The following GART variants were observed in gnomAD, a reference collection of about 807,000 sequenced individuals.
GART encodes phosphoribosylglycinamide formyltransferase, phosphoribosylglycinamide synthetase, phosphoribosylaminoimidazole synthetase, also known as trifunctional purine biosynthetic protein adenosine-3.
GART carries 43 observed loss-of-function variants against 107.2 expected under a neutral mutation model. The observed-to-expected ratio is 0.40, with a 90% CI of 0.31 to 0.52. The LOEUF (loss-of-function observed/expected upper bound fraction) is 0.52. GART is among the 20% of genes least tolerant of loss of function. The pLI is 0.52. For synonymous variants in GART, 434 were observed against 427.0 expected, an observed-to-expected ratio of 1.02 and a Z score of -0.20; for missense variants, 1,107 against 1,206.5, an observed-to-expected ratio of 0.92 and a Z score of 1.22.
At chr21:33,520,799 G>T in intron 13 of GART, 107 bp downstream of exon 13, 1 of 845,582 alleles carries the variant, frequency 1.2e-6, no homozygotes, top group Non-Finnish European at 1.9e-6. Context: ...TGGTTATTTG[G>T]CATGGTCCTT....
intron 11 of GART, among the ~76,000 whole-genome samples, chr21:33,523,594 G>A (rs1020129604): frequency 2.0e-5 from 3 of 152,094 alleles, no homozygotes; most frequent in East Asian, 1.9e-4. Flanking sequence ...CTTGAATTAC[G>A]TTGGTAAAAA....
At chr21:33,531,019 G>C (rs1285373193) in intron 6 of GART, 135 bp from the exon 7 acceptor site, 6 of 676,218 alleles carry the variant, frequency 8.9e-6, no homozygotes, top group Non-Finnish European at 1.3e-5. Flanking sequence ...GAAATGAACC[G>C]AAACGTCAAT....
At chr21:33,512,218 A>G (rs1305524663) in intron 16 of GART, among the ~76,000 whole-genome samples, 2 of 132,042 alleles carry the variant, frequency 1.5e-5, no homozygotes, top group African/African-American at 5.6e-5. Flanking sequence ...TGGGAGGTGG[A>G]GGTTGCAGTG....
At chr21:33,517,794 CTT>C (rs1289394452) in intron 14 of GART, among the ~76,000 whole-genome samples, 186 bp from the exon 15 acceptor site, 2 of 152,200 alleles carry the variant, frequency 1.3e-5, no homozygotes, top group African/African-American at 2.4e-5. Flanking sequence ...AGAAATAGCA[CTT>C]GTTTCCACAA....
At chr21:33,539,066 C>T in intron 2 of GART, 105 bp downstream of exon 2, 1 of 1,108,920 alleles carries the variant, frequency 9.0e-7, no homozygotes, top group Non-Finnish European at 1.3e-6. Context: ...AGGCATTAGC[C>T]ACTGTGCCCA....
intron 18 of GART, chr21:33,509,192 T>G (rs2084739841): frequency 6.6e-6 from 1 of 152,200 alleles, no homozygotes; most frequent in African/African-American, 2.4e-5. Context: ...GAAGCTGCAG[T>G]GTACTATGAC....
intron 2 of GART, among the ~76,000 whole-genome samples, chr21:33,538,401 G>A (rs560785238): frequency 6.7e-6 from 1 of 149,668 alleles, no homozygotes; most frequent in South Asian, 2.2e-4. Context: ...GCTAATTTTT[G>A]TATTTTTTTT....
chr21:33,525,069 G>A lies in GART; in HGVS notation c.1067-69C>T, dbSNP rs185060216. The A allele has an allele frequency of 4.3e-5, 65 of 1,502,950 alleles. No homozygotes were observed. The African/African-American group carries it at 7.8e-4, about 18-fold the overall frequency. 93.1% of individuals were successfully genotyped at this position (1,502,950 alleles called of 1,614,324 possible). A position where few individuals can be genotyped will look rare whatever the true frequency, so the allele number is the denominator to read the frequency against. ...TATTTCACACCGTGAAGTGATTTAC[G>A]ATTTCCACAAGTTTCTTTTTTTTTT... On this transcript the variant is annotated intron_variant, in intron 10 of 21. Coordinates refer to ENST00000381815, the MANE Select transcript of GART (RefSeq NM_000819.5).
At chr21:33,512,379 T>A (rs2084801106) in intron 16 of GART, among the ~76,000 whole-genome samples, 1 of 151,566 alleles carries the variant, frequency 6.6e-6, no homozygotes, top group African/African-American at 2.4e-5. Context: ...GGTAAAGGTC[T>A]ATATACACAC....
chr21:33,504,836 C>T (rs1240387278), intron 20 of GART, among the ~76,000 whole-genome samples: 1 of 152,112 alleles, frequency 6.6e-6, no homozygotes, highest in Non-Finnish European at 1.5e-5. Context: ...TAAAAATAAG[C>T]AAGAGGTTCT....
intron 17 of GART, chr21:33,510,352 T>TG (rs2084763500): frequency 6.4e-6 from 1 of 155,394 alleles, no homozygotes; most frequent in South Asian, 2.0e-4. Flanking sequence ...CTTTTTGAGA[T>TG]GGAGTCTCGC....
chr21:33,520,844 T>C (rs2084960064), intron 13 of GART, 62 bp downstream of exon 13: 2 of 1,217,686 alleles, frequency 1.6e-6, no homozygotes, highest in Non-Finnish European at 2.4e-6. Context: ...GAAAAATACA[T>C]ATTTGATATA....
At chr21:33,516,847 G>A (rs1184525619) in intron 16 of GART, 142 bp downstream of exon 16, 5 of 660,056 alleles carry the variant, frequency 7.6e-6, no homozygotes, top group African/African-American at 5.5e-5. Context: ...GAAAAGGGTC[G>A]AGTTTTTCCC....
chr21:33,531,480 T>C lies in GART; in HGVS notation c.597+9A>G. 6.2e-7 allele frequency: 1 copy of C among 1,611,952 alleles called. No individual in the cohort carries two copies. Among genetic ancestry groups the C allele is most frequent in the South Asian group, 1.1e-5 (1 of 90,738 alleles). ...ACACTACAAAAGCCAAAAAGATGAA[T>C]ATACATACCGACACCTCTTCTCCGT... is the stretch of plus-strand genomic sequence containing the variant. On this transcript the variant is annotated intron_variant, in intron 6 of 21. Transcript: ENST00000381815.
intron 8 of GART, 95 bp downstream of exon 8, chr21:33,528,755 G>GGA: frequency 1.2e-6 from 1 of 839,236 alleles, no homozygotes; most frequent in Non-Finnish European, 1.8e-6. Context: ...TTAAAAAGTG[G>GGA]TAAAAAAAAA....
At chr21:33,532,312 G>C in intron 5 of GART, 33 bp downstream of exon 5, 1 of 1,473,482 alleles carries the variant, frequency 6.8e-7, no homozygotes, top group Non-Finnish European at 9.5e-7. Flanking sequence ...AGTATGAATA[G>C]AAAAGTAAAT....
intron 15 of GART, 55 bp downstream of exon 15, chr21:33,517,302 T>G (rs752334753): frequency 1.7e-5 from 28 of 1,605,524 alleles, no homozygotes; most frequent in Non-Finnish European, 2.4e-5. Context: ...CTAAAACCAC[T>G]AAATGCTTGC....
At position 33,532,442 on chromosome 21, in the gene GART, G is replaced by C; in HGVS notation, c.431C>G (p.Ala144Gly). Reference protein sequence around the residue: ...CSFILSADFPALVVKASGLAA... With the variant: ...CSFILSADFPGLVVKASGLAA... ...AAGACCACTGGCCTTCACAACCAAA[G>C]CAGGGAAGTCTGCACTGTAAAGACA... is the stretch of plus-strand genomic sequence containing the variant. The change falls in exon 5 of 22, where the codon GCT becomes GGT. Residue 144 changes from alanine to glycine, a missense_variant. Coordinates refer to ENST00000381815, the MANE Select transcript of GART (RefSeq NM_000819.5). The C allele has an allele frequency of 6.2e-7, 1 of 1,613,488 alleles. No homozygotes were observed. The highest frequency in any genetic ancestry group is 8.5e-7 in the Non-Finnish European group (1 of 1,179,748).
At chr21:33,509,945 T>C in intron 17 of GART, 25 bp from the exon 18 acceptor site, 3 of 1,591,488 alleles carry the variant, frequency 1.9e-6, no homozygotes, top group East Asian at 2.2e-5. Flanking sequence ...TATCCATAAA[T>C]AAGTAAAGAA....
Sources: allele counts gnomAD v4.1 joint callset (sites outside exome capture counted in the v4.1 genomes callset), GRCh38; gene constraint gnomAD v4.1.1; transcripts MANE v1.5; gene names NCBI Gene and HGNC (gene_info 2026-07-23, HGNC 2026-07-21).